Variants in DCAF1 observed in about 807,000 individuals in gnomAD.
DCAF1 encodes DDB1 and CUL4 associated factor 1.
A neutral mutation model predicts 128.0 loss-of-function variants in DCAF1; 15 were observed. That is an observed-to-expected ratio of 0.12 (90% CI 0.08 to 0.18). DCAF1 has a LOEUF of 0.18. Ranked by LOEUF, DCAF1 falls within the 10% of genes least tolerant of loss-of-function variation. DCAF1 has a pLI of 1.00. For synonymous variants in DCAF1, 610 were observed against 603.0 expected, an observed-to-expected ratio of 1.01 and a Z score of -0.17; for missense variants, 988 against 1,649.5, an observed-to-expected ratio of 0.60 and a Z score of 6.95.
At chr3:51,434,473 G>C (rs1700646959) in intron 9 of DCAF1, among the ~76,000 whole-genome samples, 1 of 151,244 alleles carries the variant, frequency 6.6e-6, no homozygotes, top group Non-Finnish European at 1.5e-5. Context: ...AAAAACTGCA[G>C]TTTTTGCCTT....
At chr3:51,396,745 T>C (rs531552359), downstream of DCAF1, 8 of 167,280 alleles carry the variant, frequency 4.8e-5, no homozygotes, top group East Asian at 1.9e-4. Flanking sequence ...CTCCCTGTTA[T>C]AGTCCCTGTC....
intron 12 of DCAF1, 39 bp from the exon 13 acceptor site, chr3:51,427,580 C>T (rs1700012289): frequency 1.9e-6 from 1 of 522,714 alleles, no homozygotes; most frequent in Non-Finnish European, 3.5e-6. Flanking sequence ...TTATATATAA[C>T]TCTACATCTG....
chr3:51,459,611 G>T (rs1553643913), intron 6 of DCAF1, among the ~76,000 whole-genome samples: 1 of 152,100 alleles, frequency 6.6e-6, no homozygotes. Flanking sequence ...CCAAAAAAGA[G>T]AATTTTAGAC....
At chr3:51,444,523 G>C (rs797035156) in intron 6 of DCAF1, among the ~76,000 whole-genome samples, 10 of 152,134 alleles carry the variant, frequency 6.6e-5, no homozygotes, top group African/African-American at 2.4e-4. Flanking sequence ...GCTAATTTTT[G>C]TATTTTTTAG....
At chr3:51,418,388 T>C (rs1308914710) in intron 16 of DCAF1, among the ~76,000 whole-genome samples, 190 bp from the exon 17 acceptor site, 1 of 152,076 alleles carries the variant, frequency 6.6e-6, no homozygotes, top group African/African-American at 2.4e-5. Flanking sequence ...TAGTGTCCTA[T>C]AAAATAACCA....
At chr3:51,425,222 G>A (rs1293328174) in intron 13 of DCAF1, among the ~76,000 whole-genome samples, 1 of 152,016 alleles carries the variant, frequency 6.6e-6, no homozygotes, top group African/African-American at 2.4e-5. Flanking sequence ...TATAATCCCA[G>A]CACATTGAGA....
At position 51,413,191 on chromosome 3, in the gene DCAF1, A is replaced by G. The variant is rs962480926; in HGVS notation, c.4036+91T>C. ...TTCCATAACTTCTCTGTTTTTCAAT[A>G]AAAAATTACAGGCCTCCAGAAAATG... is the stretch of plus-strand genomic sequence containing the variant. On this transcript the variant is annotated intron_variant, in intron 21 of 24. Coordinates refer to ENST00000684031, the MANE Select transcript of DCAF1 (RefSeq NM_001387579.1). 2.1e-4 allele frequency: 320 copies of G among 1,542,146 alleles called. 1 individual carries two copies. Among genetic ancestry groups the G allele is most frequent in the Non-Finnish European group, 2.7e-4 (303 of 1,142,764 alleles).
At chr3:51,497,582 G>C (rs879974636) in intron 1 of DCAF1, among the ~76,000 whole-genome samples, 1 of 150,668 alleles carries the variant, frequency 6.6e-6, no homozygotes, top group Non-Finnish European at 1.5e-5. Flanking sequence ...GCAAGACTCC[G>C]TCTCAAAAAA....
chr3:51,427,627 G>A (rs574797954), intron 12 of DCAF1, 86 bp from the exon 13 acceptor site: 2 of 445,760 alleles, frequency 4.5e-6, no homozygotes, highest in Non-Finnish European at 8.1e-6. Context: ...CTGGCCAAGA[G>A]ATTTTATTTT....
intron 9 of DCAF1, among the ~76,000 whole-genome samples, chr3:51,439,526 C>T (rs1553638032): frequency 6.7e-6 from 1 of 148,408 alleles, no homozygotes; most frequent in Admixed American, 6.9e-5. Context: ...ACTGCAACGT[C>T]CACCTCCCGA....
intron 17 of DCAF1, 30 bp from the exon 18 acceptor site, chr3:51,416,901 G>A: frequency 1.3e-6 from 2 of 1,585,904 alleles, no homozygotes; most frequent in Non-Finnish European, 1.7e-6. Context: ...GCACTGAAGT[G>A]ACAGATCTTC....
At chr3:51,470,432 T>C (rs935996353) in intron 4 of DCAF1, among the ~76,000 whole-genome samples, 14 of 152,040 alleles carry the variant, frequency 9.2e-5, no homozygotes, top group African/African-American at 3.4e-4. Flanking sequence ...CCAGGCATGA[T>C]AGCACACGCC....
intron 6 of DCAF1, among the ~76,000 whole-genome samples, chr3:51,462,029 T>C (rs1342977503): frequency 1.3e-5 from 2 of 151,964 alleles, no homozygotes; most frequent in East Asian, 1.9e-4. Context: ...AAACTGCACG[T>C]TGTGCACATG....
At chr3:51,466,771 A>C in intron 5 of DCAF1, 32 bp downstream of exon 5, 1 of 1,601,604 alleles carries the variant, frequency 6.2e-7, no homozygotes, top group Non-Finnish European at 8.6e-7. Flanking sequence ...TACAGATGAT[A>C]ATCGCTGGAG....
intron 6 of DCAF1, among the ~76,000 whole-genome samples, chr3:51,458,819 G>A: frequency 6.6e-6 from 1 of 152,112 alleles, no homozygotes; most frequent in Non-Finnish European, 1.5e-5. Context: ...TGACTACTAG[G>A]TACATAATGA....
At chr3:51,476,572 C>CAAAAA (rs11359977) in intron 3 of DCAF1, among the ~76,000 whole-genome samples, 1 of 49,654 alleles carries the variant, frequency 2.0e-5, no homozygotes, top group African/African-American at 8.6e-5. Flanking sequence ...AATTATATCT[C>CAAAAA]AAAAAAAAAA....
Position 51,462,745 on chromosome 3 carries a change from C to CAA in DCAF1, c.375+367_375+368dup, listed in dbSNP as rs10715121. 1.0e-3 allele frequency among the ~76,000 whole-genome samples: 82 copies of CAA among 79,242 alleles called. 1 individual carries two copies. The highest frequency in any genetic ancestry group is 1.2e-3 in the Admixed American group (9 of 7,206). The allele number at this position is 79,242 out of a possible 152,430, so 52.0% of individuals were successfully genotyped here. On this transcript the variant is annotated intron_variant, in intron 6 of 24. Coordinates refer to ENST00000684031, the MANE Select transcript of DCAF1 (RefSeq NM_001387579.1). ...TGGGTGACAAAGCAAGACACCATCT[C>CAA]AAAAAAAAAAAAAAAAAAAAACTAT... is the stretch of plus-strand genomic sequence containing the variant.
At chr3:51,418,378 T>C (rs1243763409) in intron 16 of DCAF1, among the ~76,000 whole-genome samples, 180 bp from the exon 17 acceptor site, 2 of 152,196 alleles carry the variant, frequency 1.3e-5, no homozygotes, top group African/African-American at 2.4e-5. Flanking sequence ...CATACACCTA[T>C]AGTGTCCTAT....
At chr3:51,432,831 T>A (rs1700511436) in intron 10 of DCAF1, among the ~76,000 whole-genome samples, 2 of 152,274 alleles carry the variant, frequency 1.3e-5, no homozygotes, top group Admixed American at 1.3e-4. Context: ...CTAATCTTAA[T>A]GCCACAGAAA....
Sources: gnomAD v4.1 joint callset for allele counts (sites outside exome capture counted in the v4.1 genomes callset) on GRCh38, gnomAD v4.1.1 for gene constraint, MANE v1.5 for transcripts, NCBI Gene and HGNC (gene_info 2026-07-23, HGNC 2026-07-21) for gene names.